Variants in VWF observed in about 807,000 individuals in gnomAD.
VWF encodes von Willebrand factor, also known as Factor VIII related antigen.
VWF carries 176 observed loss-of-function variants against 308.6 expected under a neutral mutation model. The ratio of observed to expected loss-of-function variants is 0.57; its 90% CI spans 0.50 to 0.65. VWF has a LOEUF of 0.65. Among genes scored for constraint, VWF ranks in the 30% least tolerant of loss-of-function variants. VWF has a pLI of 0.00. For synonymous variants in VWF, 1,385 were observed against 1,443.4 expected, an observed-to-expected ratio of 0.96 and a Z score of 0.92; for missense variants, 3,146 against 3,648.2, an observed-to-expected ratio of 0.86 and a Z score of 3.55.
intron 48 of VWF, 119 bp from the exon 49 acceptor site, chr12:5,952,638 A>T: frequency 1.4e-6 from 2 of 1,394,776 alleles, no homozygotes; most frequent in South Asian, 1.2e-5. Flanking sequence ...TGAAACAAGA[A>T]GACAGTGTAT....
intron 17 of VWF, among the ~76,000 whole-genome samples, chr12:6,044,913 G>A (rs74058514): frequency 0.04 from 6,016 of 152,058 alleles, 151 homozygotes; most frequent in Middle Eastern, 0.068. Context: ...CTCTGCTCGC[G>A]TCAGCCCCTG....
chr12:6,042,557 G>C (rs1420704936), intron 18 of VWF, among the ~76,000 whole-genome samples: 1 of 152,260 alleles, frequency 6.6e-6, no homozygotes, highest in Non-Finnish European at 1.5e-5. Flanking sequence ...TAAGGAAGCA[G>C]TTGTGAAAAT....
At position 6,075,483 on chromosome 12, in the gene VWF, G is replaced by A; in HGVS notation, c.726C>T (p.Asp242=). The change falls in exon 7 of 52, where the codon GAC becomes GAT. Residue 242 remains aspartate, a synonymous_variant. Coordinates refer to ENST00000261405, the MANE Select transcript of VWF (RefSeq NM_000552.5). This position sits in a 1 kb window ranked among gnomAD's most constrained non-coding sequence, Gnocchi z 4.7. The part of the protein sequence containing the change: ...SVFARCHPLV[D]PEPFVALCEK... The stretch of plus-strand genomic sequence containing the variant: ...CACACAGGGCCACAAAAGGCTCGGG[G>A]TCCACCAGAGGGTGGCAGCGGGCAA... 6.2e-7 allele frequency: 1 copy of A among 1,614,238 alleles called. No homozygotes were observed. The highest frequency in any genetic ancestry group is 8.5e-7 in the Non-Finnish European group (1 of 1,180,042).
At chr12:5,969,687 C>T (rs1248735930) in intron 44 of VWF, among the ~76,000 whole-genome samples, 1 of 152,210 alleles carries the variant, frequency 6.6e-6, no homozygotes, top group Non-Finnish European at 1.5e-5. Flanking sequence ...CTCAGATACT[C>T]CGGCCAAGAA....
chr12:6,115,767 C>T (rs1391906058), intron 3 of VWF, among the ~76,000 whole-genome samples: 2 of 152,172 alleles, frequency 1.3e-5, no homozygotes, highest in African/African-American at 4.8e-5. Context: ...CCAGCAGCCT[C>T]CTGGTCTCTA....
At chr12:6,033,093 T>G (rs1440478566) in intron 20 of VWF, among the ~76,000 whole-genome samples, 1 of 152,214 alleles carries the variant, frequency 6.6e-6, no homozygotes, top group East Asian at 1.9e-4. Flanking sequence ...ACACACAATC[T>G]GACCTCTAAG....
At chr12:6,119,479 C>G (rs1945407075) in intron 3 of VWF, among the ~76,000 whole-genome samples, 1 of 152,168 alleles carries the variant, frequency 6.6e-6, no homozygotes, top group African/African-American at 2.4e-5. Context: ...CTGTCCCCAC[C>G]ACATGCAGCA....
chr12:5,993,323 T>C (rs921640061), intron 37 of VWF, among the ~76,000 whole-genome samples: 9 of 152,142 alleles, frequency 5.9e-5, no homozygotes, highest in Admixed American at 1.3e-4. Flanking sequence ...GAAGCTGACC[T>C]TGGGGAGGGG....
At chr12:6,032,745 C>T (rs1211158222) in intron 20 of VWF, among the ~76,000 whole-genome samples, 2 of 152,092 alleles carry the variant, frequency 1.3e-5, no homozygotes. Context: ...CACACACACA[C>T]ATACACCCAA....
chr12:5,973,914 C>T (rs539168385), intron 43 of VWF, among the ~76,000 whole-genome samples: 21 of 152,264 alleles, frequency 1.4e-4, no homozygotes, highest in Middle Eastern at 3.4e-3. Flanking sequence ...GACATGGAAG[C>T]AAGGCCATCG....
Position 6,036,462 on chromosome 12 carries a change from C to T in VWF, c.2472G>A (p.Leu824=), listed in dbSNP as rs1169337752. Residue 824 remains leucine (L), a synonymous_variant, in exon 19 of 52, where the codon CTG becomes CTA. Transcript: ENST00000261405. ...CCTGATGGAAGCAGGGACACCTTTCCAGGGCCACACATCTGTTCTCATGCC... is the reference window on the plus strand; with the variant it reads ...CCTGATGGAAGCAGGGACACCTTTCTAGGGCCACACATCTGTTCTCATGCC... ...MVRHENRCVA[L]ERCPCFHQGK... The T allele has an allele frequency of 6.2e-7, 1 of 1,614,168 alleles. No individual in the cohort carries two copies. Among genetic ancestry groups the T allele is most frequent in the Admixed American group, 1.7e-5 (1 of 60,020 alleles).
At chr12:6,122,534 T>G (rs1945443353) in intron 2 of VWF, among the ~76,000 whole-genome samples, 1 of 152,272 alleles carries the variant, frequency 6.6e-6, no homozygotes, top group East Asian at 1.9e-4. Flanking sequence ...GTGACAAATG[T>G]GTATTTTTTT....
intron 47 of VWF, among the ~76,000 whole-genome samples, chr12:5,954,946 T>C (rs1023668908): frequency 2.0e-5 from 3 of 152,208 alleles, no homozygotes; most frequent in African/African-American, 2.4e-5. Flanking sequence ...AATGCTGAAA[T>C]AGACCTTCCC....
chr12:6,042,806 T>C (rs1374860819), intron 18 of VWF, among the ~76,000 whole-genome samples: 1 of 152,240 alleles, frequency 6.6e-6, no homozygotes, highest in African/African-American at 2.4e-5. Context: ...AGGCTATCTG[T>C]ATTTTTTCCT....
In VWF at chr12:6,093,218, G is replaced by A. The variant is rs917569006; in HGVS notation, c.657+2242C>T. Among the ~76,000 whole-genome samples, 7 of 152,194 alleles carry A rather than the reference G, an allele frequency of 4.6e-5. No individual in the cohort carries two copies. The South Asian group carries it at 6.2e-4, about 14-fold the overall frequency. On this transcript the variant is annotated intron_variant, in intron 6 of 51. Transcript: ENST00000261405. Reference sequence around the variant, plus strand: ...GGTGTCGGGGCACAGCGTAGGTGTCGGGGCACAGCGTAGGTGCCCATTCAG... The same window carrying A: ...GGTGTCGGGGCACAGCGTAGGTGTCAGGGCACAGCGTAGGTGCCCATTCAG...
intron 5 of VWF, among the ~76,000 whole-genome samples, chr12:6,099,269 C>G (rs974588610): frequency 6.8e-6 from 1 of 146,922 alleles, no homozygotes; most frequent in Non-Finnish European, 1.5e-5. Context: ...CAGTGAGCCC[C>G]GATCGCGCCA....
At chr12:5,988,372 C>T (rs2136378988) in intron 38 of VWF, among the ~76,000 whole-genome samples, 1 of 152,212 alleles carries the variant, frequency 6.6e-6, no homozygotes, top group Admixed American at 6.5e-5. Context: ...AGGGAGGGGC[C>T]CAGGGCGCTG....
intron 16 of VWF, 52 bp downstream of exon 16, chr12:6,052,491 C>G: frequency 6.2e-7 from 1 of 1,613,712 alleles, no homozygotes; most frequent in East Asian, 2.2e-5. Context: ...GTCCCGTTTT[C>G]CTCCCCAGCT....
At chr12:6,079,478 C>T (rs1013538987) in intron 6 of VWF, among the ~76,000 whole-genome samples, 3 of 151,982 alleles carry the variant, frequency 2.0e-5, no homozygotes, top group African/African-American at 4.8e-5. Flanking sequence ...GGCATGGTGG[C>T]GGGCACCTGT....
Sources: allele counts gnomAD v4.1 joint callset (sites outside exome capture counted in the v4.1 genomes callset), GRCh38; gene constraint gnomAD v4.1.1; non-coding constraint Gnocchi (gnomAD v3.1); transcripts MANE v1.5; gene names NCBI Gene and HGNC (gene_info 2026-07-23, HGNC 2026-07-21).